RBFOX1: variants seen among roughly 807,000 people sequenced by gnomAD.
RBFOX1 encodes RNA binding protein fox-1 homolog 1.
A neutral mutation model predicts 57.7 loss-of-function variants in RBFOX1; 8 were observed. That is an observed-to-expected ratio of 0.14 (90% confidence interval 0.08 to 0.25). RBFOX1 has a LOEUF of 0.25. Among genes scored for constraint, RBFOX1 ranks in the 10% least tolerant of loss-of-function variants. The pLI is 1.00. For missense variants in RBFOX1, 611 were observed against 548.5 expected (o/e 1.11, Z -1.14); for synonymous variants, 326 against 222.4 (o/e 1.47, Z -4.15).
intron 4 of RBFOX1, among the ~76,000 whole-genome samples, chr16:7,053,739 G>C (rs1261142494): frequency 2.0e-5 from 3 of 152,168 alleles, no homozygotes; most frequent in Non-Finnish European, 2.9e-5. Flanking sequence ...CATAAATGCA[G>C]GGAGTGGCTT....
At chr16:6,263,510 A>G (rs1427038640) in intron 1 of RBFOX1, among the ~76,000 whole-genome samples, 1 of 151,966 alleles carries the variant, frequency 6.6e-6, no homozygotes, top group African/African-American at 2.4e-5. Flanking sequence ...TTATGAAACC[A>G]TTTCTCTGAA....
At chr16:5,534,601 G>T (rs1007593427) in intron 2 of RBFOX1, among the ~76,000 whole-genome samples, 6 of 152,188 alleles carry the variant, frequency 3.9e-5, no homozygotes, top group African/African-American at 4.8e-5. Flanking sequence ...CAGCAAGCCA[G>T]TTTATCCCAC....
chr16:5,270,147 T>A (rs1211260542), intron 1 of RBFOX1: 2 of 289,046 alleles, frequency 6.9e-6, no homozygotes, highest in Non-Finnish European at 1.3e-5. Flanking sequence ...ATATAAAATT[T>A]AGCCTTTTGG....
intron 2 of RBFOX1, among the ~76,000 whole-genome samples, chr16:6,450,186 A>G (rs1280438986): frequency 6.6e-6 from 1 of 152,174 alleles, no homozygotes; most frequent in African/African-American, 2.4e-5. Context: ...TCCAAATCCC[A>G]GCTCTGCTTT....
At chr16:6,124,142 A>G (rs548329930) in intron 1 of RBFOX1, among the ~76,000 whole-genome samples, 1 of 152,148 alleles carries the variant, frequency 6.6e-6, no homozygotes, top group East Asian at 1.9e-4. Context: ...AGTTTGTATT[A>G]TTTGTCAGCA....
At chr16:7,078,063 C>T (rs113987551) in intron 4 of RBFOX1, among the ~76,000 whole-genome samples, 1,882 of 152,306 alleles carry the variant, frequency 0.012, 41 homozygotes, top group African/African-American at 0.043. Flanking sequence ...ATTTTCCTGC[C>T]TTTGCCTCTC....
At chr16:6,912,959 A>G (rs937847824) in intron 3 of RBFOX1, among the ~76,000 whole-genome samples, 15 of 152,022 alleles carry the variant, frequency 9.9e-5, no homozygotes, top group East Asian at 1.9e-4. Context: ...ATCTTGGGCA[A>G]TATCTCACCT....
chr16:7,272,122 C>G (rs545087818), intron 4 of RBFOX1, among the ~76,000 whole-genome samples: 8 of 152,296 alleles, frequency 5.3e-5, no homozygotes, highest in East Asian at 1.9e-4. Flanking sequence ...CTCCTGAAAA[C>G]TTGATTTCTA....
intron 8 of RBFOX1, among the ~76,000 whole-genome samples, chr16:7,596,507 A>T (rs900435418): frequency 6.6e-6 from 1 of 151,990 alleles, no homozygotes; most frequent in Non-Finnish European, 1.5e-5. Context: ...ATACAAACCC[A>T]TGCTGGCGAT....
chr16:6,771,287 G>C (rs572056165), intron 3 of RBFOX1, among the ~76,000 whole-genome samples: 3 of 152,128 alleles, frequency 2.0e-5, no homozygotes, highest in Admixed American at 1.3e-4. Context: ...CACAGTCTAC[G>C]GTGCTTTGTT....
chr16:5,477,073 G>T (rs1387533689), intron 2 of RBFOX1, among the ~76,000 whole-genome samples: 1 of 152,172 alleles, frequency 6.6e-6, no homozygotes, highest in Non-Finnish European at 1.5e-5. Context: ...GAGTGTGGTG[G>T]TACAATGAAG....
Position 7,051,124 on chromosome 16 carries a change from TA to T in RBFOX1, c.-15-924del, listed in dbSNP as rs371271283. ...GGAAGTCGGGAGTTGTTTCACTGGT[TA>T]AAAAAAAATACTGGAAAGATATAGA... is the stretch of plus-strand genomic sequence containing the variant. On this transcript the variant is annotated intron_variant, in intron 3 of 15. Transcript: ENST00000550418. 9.9e-4 allele frequency among the ~76,000 whole-genome samples: 150 copies of T among 151,562 alleles called. 4 individuals carry two copies. In the South Asian group the frequency reaches 0.03, roughly 30 times the overall value.
chr16:5,620,280 G>A (rs2048164464), intron 3 of RBFOX1, among the ~76,000 whole-genome samples: 2 of 152,128 alleles, frequency 1.3e-5, no homozygotes, highest in South Asian at 4.1e-4. Context: ...CATGCCATCT[G>A]AATTGAGATC....
intron 1 of RBFOX1, among the ~76,000 whole-genome samples, chr16:6,188,986 C>A (rs1020756761): frequency 5.9e-5 from 9 of 152,172 alleles, no homozygotes; most frequent in African/African-American, 1.9e-4. Flanking sequence ...TGAAGCTAGT[C>A]AATTCTGAAA....
chr16:6,401,861 T>C (rs2093082602), intron 2 of RBFOX1, among the ~76,000 whole-genome samples: 1 of 151,922 alleles, frequency 6.6e-6, no homozygotes, highest in African/African-American at 2.4e-5. Flanking sequence ...ATCTAGTAAA[T>C]CCATCAATAA....
chr16:7,464,763 C>G (rs899045958), intron 4 of RBFOX1, among the ~76,000 whole-genome samples: 4 of 134,780 alleles, frequency 3.0e-5, no homozygotes, highest in Non-Finnish European at 3.0e-5. Context: ...GTCGCGTGAT[C>G]TCGGCTCACT....
chr16:5,773,519 C>T (rs901085987), intron 3 of RBFOX1, among the ~76,000 whole-genome samples: 2 of 152,162 alleles, frequency 1.3e-5, no homozygotes, highest in Non-Finnish European at 2.9e-5. Context: ...GAACGTACTG[C>T]AGTTGCTATA....
intron 2 of RBFOX1, among the ~76,000 whole-genome samples, chr16:6,611,769 T>C (rs1445655726): frequency 6.6e-6 from 1 of 152,082 alleles, no homozygotes; most frequent in Non-Finnish European, 1.5e-5. Flanking sequence ...CCAGAACTCA[T>C]CTTCCCCTTC....
chr16:5,700,357 C>T (rs1485736113), intron 3 of RBFOX1, among the ~76,000 whole-genome samples: 1 of 151,608 alleles, frequency 6.6e-6, no homozygotes, highest in African/African-American at 2.4e-5. Flanking sequence ...CTAAAAATAT[C>T]TTTGTATTGC....
Sources: allele counts gnomAD v4.1 joint callset (sites outside exome capture counted in the v4.1 genomes callset), GRCh38; gene constraint gnomAD v4.1.1; transcripts MANE v1.5; gene names NCBI Gene and HGNC (gene_info 2026-07-23, HGNC 2026-07-21).